SPPL3: variants seen among roughly 807,000 people sequenced by gnomAD.
The protein encoded by SPPL3 is signal peptide peptidase like 3, also known as signal peptide peptidase-like 3.
SPPL3 carries 5 observed loss-of-function variants against 42.4 expected under a neutral mutation model. That is an observed-to-expected ratio of 0.12 (90% CI 0.06 to 0.25). SPPL3 has a LOEUF of 0.25. Among genes scored for constraint, SPPL3 ranks in the 10% least tolerant of loss-of-function variants. The pLI is 1.00. For missense variants in SPPL3, 235 were observed against 489.0 expected (o/e 0.48, Z 4.90); for synonymous variants, 195 against 181.8 (o/e 1.07, Z -0.58).
chr12:120,845,321 C>T, intron 1 of SPPL3: 1 of 349,490 alleles, frequency 2.9e-6, no homozygotes, highest in Non-Finnish European at 5.8e-6. Context: ...TCGTCCTCGG[C>T]CAGCATCCTC....
At chr12:120,869,030 T>C (rs1057246632) in intron 1 of SPPL3, among the ~76,000 whole-genome samples, 2 of 152,024 alleles carry the variant, frequency 1.3e-5, no homozygotes, top group Non-Finnish European at 2.9e-5. Flanking sequence ...ACTTAAAAAA[T>C]TACAATGTCC....
chr12:120,783,750 G>A lies in SPPL3; in HGVS notation c.313C>T (p.Leu105Phe). ...QVVFTICTAV[L>F]ATIAFAFLLL... ...AGAAAAGCAAAAGCTATCGTTGCAA[G>A]AACTAGAGAAAGAAAAGGTATAATT... The change falls in exon 5 of 11, where the codon CTT becomes TTT. Residue 105 changes from leucine to phenylalanine, a missense_variant and splice_region_variant. Around this residue, in one of 6 missense-constraint regions of SPPL3, gnomAD observed 110 missense variants for 186.2 expected, o/e 0.59. Transcript: ENST00000353487. 1.2e-6 allele frequency: 2 copies of A among 1,613,280 alleles called. No homozygotes were observed. The highest frequency in any genetic ancestry group is 1.7e-6 in the Non-Finnish European group (2 of 1,179,586).
intron 6 of SPPL3, among the ~76,000 whole-genome samples, chr12:120,779,621 TTAGA>T (rs1869451206): frequency 6.6e-6 from 1 of 151,660 alleles, no homozygotes; most frequent in Non-Finnish European, 1.5e-5. Context: ...GGCAGAGCAG[TTAGA>T]TAAAAATTTT....
At chr12:120,786,028 C>A (rs1244066871) in intron 3 of SPPL3, among the ~76,000 whole-genome samples, 1 of 151,820 alleles carries the variant, frequency 6.6e-6, no homozygotes, top group African/African-American at 2.4e-5. Context: ...AACAAAATTT[C>A]TCTTAGGTAT....
intron 1 of SPPL3, among the ~76,000 whole-genome samples, chr12:120,894,032 G>A (rs1034391855): frequency 1.3e-5 from 2 of 152,138 alleles, no homozygotes; most frequent in Non-Finnish European, 2.9e-5. Flanking sequence ...TATAAGAAAT[G>A]AGTGTAGGGG....
intron 6 of SPPL3, among the ~76,000 whole-genome samples, chr12:120,777,593 C>T (rs199935865): frequency 1.6e-5 from 1 of 62,552 alleles, no homozygotes; most frequent in Non-Finnish European, 3.1e-5. Flanking sequence ...TTTACCATAC[C>T]ACCCTTTTAC....
At chr12:120,876,581 C>A (rs1873096035) in intron 1 of SPPL3, among the ~76,000 whole-genome samples, 1 of 133,252 alleles carries the variant, frequency 7.5e-6, no homozygotes. Context: ...CGCGCCACTG[C>A]ACTCCAGCCT....
At chr12:120,880,261 AC>A (rs1873236939) in intron 1 of SPPL3, among the ~76,000 whole-genome samples, 2 of 152,134 alleles carry the variant, frequency 1.3e-5, no homozygotes, top group South Asian at 4.1e-4. Flanking sequence ...TTACTATTAT[AC>A]AAAAATAGTC....
At chr12:120,838,863 T>G (rs1566056853) in intron 1 of SPPL3, among the ~76,000 whole-genome samples, 2 of 152,132 alleles carry the variant, frequency 1.3e-5, no homozygotes, top group Non-Finnish European at 2.9e-5. Flanking sequence ...AAACAACAGG[T>G]GCTGGAGAGA....
At chr12:120,898,161 G>T (rs1873867067) in intron 1 of SPPL3, among the ~76,000 whole-genome samples, 1 of 151,944 alleles carries the variant, frequency 6.6e-6, no homozygotes, top group African/African-American at 2.4e-5. Flanking sequence ...AAAATTAGCT[G>T]GGCATGGTGG....
At chr12:120,790,252 G>T (rs584001) in intron 3 of SPPL3, among the ~76,000 whole-genome samples, 107,982 of 152,158 alleles carry the variant, frequency 0.71, 39,636 homozygotes, top group African/African-American at 0.89. Flanking sequence ...ATTTAAATGA[G>T]TCGACTTACC....
At chr12:120,859,789 C>G (rs1381499102) in intron 1 of SPPL3, among the ~76,000 whole-genome samples, 1 of 151,940 alleles carries the variant, frequency 6.6e-6, no homozygotes, top group Non-Finnish European at 1.5e-5. Flanking sequence ...ACTAAAAATA[C>G]AAAATTAGCT....
chr12:120,834,808 C>T (rs555980603), intron 1 of SPPL3, among the ~76,000 whole-genome samples: 1 of 152,274 alleles, frequency 6.6e-6, no homozygotes, highest in South Asian at 2.1e-4. Flanking sequence ...TGTGTGCACA[C>T]AGTAGGTAAA....
At chr12:120,853,888 A>G (rs1321339248) in intron 1 of SPPL3, among the ~76,000 whole-genome samples, 1 of 152,036 alleles carries the variant, frequency 6.6e-6, no homozygotes, top group Non-Finnish European at 1.5e-5. Flanking sequence ...AGCAAGTGAG[A>G]TGAATTTGTA....
At chr12:120,892,705 A>G (rs1410174236) in intron 1 of SPPL3, among the ~76,000 whole-genome samples, 1 of 152,190 alleles carries the variant, frequency 6.6e-6, no homozygotes, top group African/African-American at 2.4e-5. Flanking sequence ...ATTAGAGGCC[A>G]GGCGCGGTGG....
intron 3 of SPPL3, among the ~76,000 whole-genome samples, chr12:120,785,084 GT>G (rs1384093540): frequency 2.6e-5 from 4 of 152,286 alleles, no homozygotes; most frequent in African/African-American, 9.6e-5. Context: ...AGGACAACAA[GT>G]CATAGCTGAA....
chr12:120,812,871 C>A (rs1870729193), intron 1 of SPPL3, among the ~76,000 whole-genome samples: 1 of 152,158 alleles, frequency 6.6e-6, no homozygotes, highest in South Asian at 2.1e-4. Flanking sequence ...ATGAGGAATT[C>A]ATATAAAGAA....
At chr12:120,863,385 CT>C (rs1239743408) in intron 1 of SPPL3, among the ~76,000 whole-genome samples, 1 of 151,980 alleles carries the variant, frequency 6.6e-6, no homozygotes, top group Non-Finnish European at 1.5e-5. Context: ...AAAAATAACT[CT>C]TTTGAAAGTA....
At chr12:120,834,892 CCCT>C (rs1481131556) in intron 1 of SPPL3, among the ~76,000 whole-genome samples, 1 of 152,094 alleles carries the variant, frequency 6.6e-6, no homozygotes, top group African/African-American at 2.4e-5. Flanking sequence ...TAAAAACTAA[CCCT>C]CCAACTAATA....
Sources: allele counts gnomAD v4.1 joint callset (sites outside exome capture counted in the v4.1 genomes callset), GRCh38; gene constraint gnomAD v4.1.1; regional missense constraint gnomAD v4.1.1; transcripts MANE v1.5; gene names NCBI Gene and HGNC (gene_info 2026-07-23, HGNC 2026-07-21).